IQGAP2: variants seen among roughly 807,000 people sequenced by gnomAD.
IQGAP2 encodes IQ motif containing GTPase activating protein 2, also known as ras GTPase-activating-like protein IQGAP2.
A neutral mutation model predicts 201.3 loss-of-function variants in IQGAP2; 173 were observed. The ratio of observed to expected loss-of-function variants is 0.86; its 90% confidence interval spans 0.76 to 0.98. The LOEUF (loss-of-function observed/expected upper bound fraction) is 0.98, where lower values mean the gene tolerates loss of function less well. Among genes scored for constraint, IQGAP2 ranks in the 50% least tolerant of loss-of-function variants. The pLI, the probability that IQGAP2 is intolerant of heterozygous loss-of-function variation, is 0.00. For synonymous variants in IQGAP2, 675 were observed against 673.9 expected (o/e 1.00, Z -0.03); for missense variants, 1,687 against 1,864.8 (o/e 0.90, Z 1.76).
chr5:76,677,539 A>G, intron 28 of IQGAP2, 189 bp downstream of exon 28: 2 of 431,324 alleles, frequency 4.6e-6, no homozygotes, highest in South Asian at 6.7e-5. Flanking sequence ...CCCAAACAAC[A>G]AAATTCTATT....
At chr5:76,628,467 T>C (rs1750435486) in intron 14 of IQGAP2, among the ~76,000 whole-genome samples, 1 of 152,194 alleles carries the variant, frequency 6.6e-6, no homozygotes, top group Non-Finnish European at 1.5e-5. Context: ...GTTCAAATGA[T>C]AAAATTGTTT....
intron 5 of IQGAP2, among the ~76,000 whole-genome samples, chr5:76,579,259 C>T (rs2150287962): frequency 6.6e-6 from 1 of 152,098 alleles, no homozygotes; most frequent in East Asian, 1.9e-4. Context: ...TTGATACCTA[C>T]CCAGAATTGA....
chr5:76,508,078 C>A (rs911548828), intron 2 of IQGAP2, among the ~76,000 whole-genome samples: 44 of 147,186 alleles, frequency 3.0e-4, no homozygotes, highest in Middle Eastern at 3.8e-3. Flanking sequence ...CACCTGTAAT[C>A]CCAGCACTTT....
chr5:76,473,545 T>G (rs191483391), intron 2 of IQGAP2, among the ~76,000 whole-genome samples: 46 of 152,326 alleles, frequency 3.0e-4, no homozygotes, highest in Admixed American at 1.2e-3. Context: ...CTCACTATGT[T>G]GCTTAGGCTG....
intron 15 of IQGAP2, among the ~76,000 whole-genome samples, chr5:76,635,536 A>G (rs545263795): frequency 3.2e-4 from 49 of 152,172 alleles, no homozygotes; most frequent in African/African-American, 1.2e-3. Flanking sequence ...TCTGACAACT[A>G]TTGGTAATTG....
chr5:76,700,176 A>G (rs988436985), intron 33 of IQGAP2, among the ~76,000 whole-genome samples: 1 of 152,160 alleles, frequency 6.6e-6, no homozygotes, highest in African/African-American at 2.4e-5. Flanking sequence ...GGCATTTCAC[A>G]CAAGATCCAC....
intron 13 of IQGAP2, among the ~76,000 whole-genome samples, chr5:76,619,372 A>G (rs1014955221): frequency 2.0e-5 from 3 of 152,180 alleles, no homozygotes; most frequent in Non-Finnish European, 2.9e-5. Context: ...TGCACACACA[A>G]TTTTGAACAG....
chr5:76,534,485 A>C lies in IQGAP2; in HGVS notation c.147-27911A>C, dbSNP rs183424169. 2.0e-3 allele frequency among the ~76,000 whole-genome samples: 303 copies of C among 152,378 alleles called. 2 individuals are homozygous for C. The highest frequency in any genetic ancestry group is 3.8e-3 in the Non-Finnish European group (256 of 68,040). ...GGCAACTTACTCATTTTTCTGAACAAGAAAAGGTTCTACATAATTACGTTC... is the reference window on the plus strand; with the variant it reads ...GGCAACTTACTCATTTTTCTGAACACGAAAAGGTTCTACATAATTACGTTC... On this transcript the variant is annotated intron_variant, in intron 2 of 35. Coordinates refer to ENST00000274364, the MANE Select transcript of IQGAP2 (RefSeq NM_006633.5).
intron 17 of IQGAP2, among the ~76,000 whole-genome samples, chr5:76,647,221 A>T (rs1211328241): frequency 6.6e-6 from 1 of 152,198 alleles, no homozygotes; most frequent in Non-Finnish European, 1.5e-5. Context: ...CACTCTTAAA[A>T]GTGAAGAGAA....
chr5:76,670,919 T>C (rs767570172), intron 23 of IQGAP2, among the ~76,000 whole-genome samples: 5 of 152,240 alleles, frequency 3.3e-5, no homozygotes, highest in Non-Finnish European at 5.9e-5. Flanking sequence ...TAGATTGAAA[T>C]TGAGGCTGTG....
At chr5:76,626,270 C>CTTTTTTTTTTTTTTTTTTTTTTTT (rs34251090) in intron 13 of IQGAP2, among the ~76,000 whole-genome samples, 13 of 83,654 alleles carry the variant, frequency 1.6e-4, no homozygotes, top group African/African-American at 2.0e-4. Flanking sequence ...TTCTTCTTTT[C>CTTTTTTTTTTTTTTTTTTTTTTTT]TTTTTTTTTT....
At chr5:76,592,731 A>G (rs1746748909) in intron 8 of IQGAP2, 107 bp from the exon 9 acceptor site, 1 of 754,606 alleles carries the variant, frequency 1.3e-6, no homozygotes, top group Non-Finnish European at 2.3e-6. Context: ...ATGAATTTAA[A>G]TAATTAGGGA....
intron 17 of IQGAP2, among the ~76,000 whole-genome samples, chr5:76,642,781 A>G (rs1751698100): frequency 6.6e-6 from 1 of 152,222 alleles, no homozygotes; most frequent in Admixed American, 6.5e-5. Flanking sequence ...CAAAACTCCT[A>G]GGCCGAGGCC....
intron 15 of IQGAP2, among the ~76,000 whole-genome samples, chr5:76,632,812 AG>A (rs1750816252): frequency 1.0e-5 from 1 of 98,518 alleles, no homozygotes; most frequent in Non-Finnish European, 2.3e-5. Context: ...GTAGAGCTTA[AG>A]GAAAAAAAAA....
At chr5:76,493,804 G>T (rs964934175) in intron 2 of IQGAP2, among the ~76,000 whole-genome samples, 1 of 152,092 alleles carries the variant, frequency 6.6e-6, no homozygotes, top group Admixed American at 6.6e-5. Context: ...TTACTAGTAC[G>T]GCCTAGTTAA....
intron 24 of IQGAP2, among the ~76,000 whole-genome samples, chr5:76,672,738 C>A (rs146245076): frequency 8.0e-4 from 122 of 152,246 alleles, no homozygotes; most frequent in African/African-American, 2.9e-3. Context: ...AATTGCATTA[C>A]ACCCATCAAT....
In IQGAP2 at chr5:76,606,323, C is replaced by T; in HGVS notation, c.1357+20C>T. ...ATGACCGTAAGTATAAGACACTTTC[C>T]TTCTCTAGCATAGTGGGAGAAGAAG... is the stretch of plus-strand genomic sequence containing the variant. On this transcript the variant is annotated intron_variant, in intron 12 of 35. Transcript: ENST00000274364. 6.4e-7 allele frequency: 1 copy of T among 1,572,686 alleles called. No individual in the cohort carries two copies. The highest frequency in any genetic ancestry group is 1.2e-5 in the South Asian group (1 of 82,074).
At chr5:76,541,067 A>G (rs76182986) in intron 2 of IQGAP2, among the ~76,000 whole-genome samples, 2,909 of 152,298 alleles carry the variant, frequency 0.019, 84 homozygotes, top group African/African-American at 0.065. Flanking sequence ...CCATTTTTAA[A>G]TGGACAATCT....
At chr5:76,656,775 T>C (rs1424497282) in intron 20 of IQGAP2, among the ~76,000 whole-genome samples, 1 of 152,200 alleles carries the variant, frequency 6.6e-6, no homozygotes, top group Non-Finnish European at 1.5e-5. Context: ...GTGAGTGAGT[T>C]AGATCTAAGC....
Sources: allele counts gnomAD v4.1 joint callset (sites outside exome capture counted in the v4.1 genomes callset), GRCh38; gene constraint gnomAD v4.1.1; transcripts MANE v1.5; gene names NCBI Gene and HGNC (gene_info 2026-07-23, HGNC 2026-07-21).